FAM3D: variants seen among roughly 807,000 people sequenced by gnomAD.
The protein encoded by FAM3D is FAM3 metabolism regulating signaling molecule D.
In FAM3D, 26 loss-of-function variants were observed where a neutral mutation model predicts 29.8. The observed-to-expected ratio is 0.87, with a 90% confidence interval of 0.64 to 1.21. FAM3D has a LOEUF of 1.21. Ranked by LOEUF, FAM3D falls within the 50% of genes most tolerant of loss-of-function variation. The pLI, the probability that FAM3D is intolerant of heterozygous loss-of-function variation, is 0.00. For synonymous variants in FAM3D, 115 were observed against 102.3 expected (o/e 1.12, Z -0.75); for missense variants, 253 against 290.9 (o/e 0.87, Z 0.95).
intron 6 of FAM3D, among the ~76,000 whole-genome samples, chr3:58,640,955 G>T (rs2066311381): frequency 6.6e-6 from 1 of 152,242 alleles, no homozygotes; most frequent in African/African-American, 2.4e-5. Context: ...TGCTTCACCT[G>T]GGGCTCTTGG....
At chr3:58,642,484 C>A (rs9849774) in intron 6 of FAM3D, among the ~76,000 whole-genome samples, 2,273 of 152,276 alleles carry the variant, frequency 0.015, 56 homozygotes, top group South Asian at 0.067. Context: ...CCCCAACTTG[C>A]CCTGACCTTT....
At chr3:58,644,868 TG>T (rs2066431619) in intron 5 of FAM3D, among the ~76,000 whole-genome samples, 1 of 152,168 alleles carries the variant, frequency 6.6e-6, no homozygotes, top group South Asian at 2.1e-4. Flanking sequence ...TGGATCCAGG[TG>T]GTCCTGAAGC....
chr3:58,663,187 C>T (rs1033365398), intron 1 of FAM3D, among the ~76,000 whole-genome samples: 2 of 152,244 alleles, frequency 1.3e-5, no homozygotes, highest in Non-Finnish European at 2.9e-5. Context: ...GCCTGGGCCA[C>T]CATGCCTGGT....
At chr3:58,643,149 G>A (rs1385836253) in intron 6 of FAM3D, among the ~76,000 whole-genome samples, 1 of 152,218 alleles carries the variant, frequency 6.6e-6, no homozygotes, top group Non-Finnish European at 1.5e-5. Flanking sequence ...CCTCCAGAGA[G>A]GCTCACCACA....
chr3:58,646,359 G>T (rs905658209), intron 4 of FAM3D, among the ~76,000 whole-genome samples: 1 of 152,184 alleles, frequency 6.6e-6, no homozygotes, highest in Non-Finnish European at 1.5e-5. Flanking sequence ...GATGCTGGCT[G>T]TTCCTAAGAC....
chr3:58,661,684 C>T (rs910234529), intron 1 of FAM3D, among the ~76,000 whole-genome samples: 1 of 152,184 alleles, frequency 6.6e-6, no homozygotes, highest in Non-Finnish European at 1.5e-5. Flanking sequence ...ACAGTCCTCT[C>T]TCGGCCTCAG....
At position 58,635,081 on chromosome 3, in the gene FAM3D, G is replaced by A. The variant is rs1370565232; in HGVS notation, c.586-713C>T. ...TCCCAGCTACTCAGGAGGCAGAGGC[G>A]GGAGGATCGCTTGAGCCCAGGAGGT... On this transcript the variant is annotated intron_variant, in intron 9 of 9. Transcript: ENST00000358781. This position sits in a 1 kb window ranked among gnomAD's most constrained non-coding sequence, Gnocchi z 5.2. 2.6e-5 allele frequency among the ~76,000 whole-genome samples: 4 copies of A among 152,208 alleles called. No homozygotes were observed. The highest frequency in any genetic ancestry group is 4.4e-5 in the Non-Finnish European group (3 of 68,008).
intron 1 of FAM3D, among the ~76,000 whole-genome samples, chr3:58,661,975 C>T (rs976103972): frequency 6.6e-6 from 1 of 152,222 alleles, no homozygotes; most frequent in African/African-American, 2.4e-5. Flanking sequence ...TCTGGACAGA[C>T]ATTCAGCCCC....
chr3:58,649,246 C>T, intron 4 of FAM3D, 69 bp downstream of exon 4: 2 of 1,579,194 alleles, frequency 1.3e-6, no homozygotes, highest in Non-Finnish European at 8.6e-7. Context: ...CCTTGTTGCC[C>T]TAGGGCAAAT....
chr3:58,652,105 C>T (rs1004933631), intron 3 of FAM3D, among the ~76,000 whole-genome samples: 5 of 152,280 alleles, frequency 3.3e-5, no homozygotes, highest in Admixed American at 6.5e-5. Flanking sequence ...TAAATCCCTT[C>T]CCTTCACTTC....
At chr3:58,652,898 C>CTT (rs1553635905) in intron 3 of FAM3D, among the ~76,000 whole-genome samples, 10 of 114,050 alleles carry the variant, frequency 8.8e-5, no homozygotes, top group Admixed American at 1.8e-4. Context: ...CCATCCATCT[C>CTT]TCCATCTACC....
chr3:58,661,397 G>A (rs1387329752), intron 1 of FAM3D, among the ~76,000 whole-genome samples: 1 of 152,188 alleles, frequency 6.6e-6, no homozygotes, highest in Non-Finnish European at 1.5e-5. Context: ...GGCTCCATGA[G>A]CTCTGCTTTC....
rs79003302 is a variant in FAM3D at position 58,645,278 on chromosome 3, T to G, written c.263+231A>C. ...TTCTCCTGGGGATAATATCCCCACC[T>G]CCCAGGATGTCGGGGGAATGAATGA... is the stretch of plus-strand genomic sequence containing the variant. On this transcript the variant is annotated intron_variant, in intron 5 of 9. Transcript: ENST00000358781. 7.4e-3 allele frequency among the ~76,000 whole-genome samples: 1,123 copies of G among 152,190 alleles called. 19 individuals carry two copies. The highest frequency in any genetic ancestry group is 0.024 in the African/African-American group (1,016 of 41,518).
intron 1 of FAM3D, among the ~76,000 whole-genome samples, chr3:58,659,008 G>T (rs914235544): frequency 1.3e-5 from 2 of 152,214 alleles, no homozygotes; most frequent in Non-Finnish European, 2.9e-5. Context: ...AGAAGAGAAC[G>T]AATTTGTGGA....
intron 2 of FAM3D, 64 bp downstream of exon 2, chr3:58,655,487 T>C: frequency 1.2e-6 from 2 of 1,604,214 alleles, no homozygotes; most frequent in Non-Finnish European, 1.7e-6. Context: ...CAAATCACTG[T>C]GAGCCCAGGA....
chr3:58,639,230 A>T (rs1163327882), intron 7 of FAM3D, among the ~76,000 whole-genome samples: 1 of 152,158 alleles, frequency 6.6e-6, no homozygotes, highest in Non-Finnish European at 1.5e-5. Context: ...AAGGGAGAAG[A>T]CTAACATAGC....
intron 4 of FAM3D, among the ~76,000 whole-genome samples, chr3:58,646,115 T>G (rs2066472611): frequency 6.6e-6 from 1 of 152,248 alleles, no homozygotes; most frequent in Admixed American, 6.5e-5. Flanking sequence ...ATGGGGTATC[T>G]GTGGTGCCTC....
In FAM3D at chr3:58,665,874, A is replaced by T. The variant is rs145339348; in HGVS notation, c.-39+702T>A. ...TTTATGTACTTCAGTGATGATTATC[A>T]TAGTTGCGTAGACAATGAGAACTTC... On this transcript the variant is annotated intron_variant, in intron 1 of 9. Coordinates refer to ENST00000358781, the MANE Select transcript of FAM3D (RefSeq NM_138805.3). 2.3e-3 allele frequency among the ~76,000 whole-genome samples: 343 copies of T among 152,376 alleles called. 3 individuals carry two copies. Among genetic ancestry groups the T allele is most frequent in the Middle Eastern group, 0.01 (3 of 294 alleles).
At chr3:58,651,148 C>A (rs1331490330) in intron 3 of FAM3D, among the ~76,000 whole-genome samples, 4 of 152,344 alleles carry the variant, frequency 2.6e-5, no homozygotes, top group African/African-American at 7.2e-5. Flanking sequence ...ATTATTCTCA[C>A]TTCCCTTGAG....
Sources: gnomAD v4.1 joint callset for allele counts (sites outside exome capture counted in the v4.1 genomes callset) on GRCh38, gnomAD v4.1.1 for gene constraint, Gnocchi (gnomAD v3.1) non-coding constraint, MANE v1.5 for transcripts, NCBI Gene and HGNC (gene_info 2026-07-23, HGNC 2026-07-21) for gene names.